Variants in SLC10A6 observed in about 807,000 individuals in gnomAD.
SLC10A6 encodes sodium-dependent organic anion transporter.
A neutral mutation model predicts 30.0 loss-of-function variants in SLC10A6; 27 were observed. That is an observed-to-expected ratio of 0.90 (90% CI 0.66 to 1.24). SLC10A6 has a LOEUF of 1.24. Ranked by LOEUF, SLC10A6 falls within the 50% of genes most tolerant of loss-of-function variation. The pLI, the probability that SLC10A6 is intolerant of heterozygous loss-of-function variation, is 0.00. For missense variants in SLC10A6, 439 were observed against 457.0 expected, an observed-to-expected ratio of 0.96 and a Z score of 0.36; for synonymous variants, 166 against 173.8, an observed-to-expected ratio of 0.95 and a Z score of 0.36.
At chr4:86,834,079 G>A (rs1746136556) in intron 1 of SLC10A6, among the ~76,000 whole-genome samples, 1 of 152,162 alleles carries the variant, frequency 6.6e-6, no homozygotes, top group Non-Finnish European at 1.5e-5. Flanking sequence ...GATTCCCAAC[G>A]TTGGAGGCGG....
chr4:86,827,294 C>T (rs1478094908), intron 4 of SLC10A6, among the ~76,000 whole-genome samples: 1 of 152,174 alleles, frequency 6.6e-6, no homozygotes, highest in Non-Finnish European at 1.5e-5. Flanking sequence ...TTTTCTAGCT[C>T]TATGAACTTG....
Position 86,849,044 on chromosome 4 carries a change from C to T in SLC10A6, c.72G>A (p.Leu24=). ...NSSEEELPVG[L]EVHGNLELVF... ...CGAGCTCCAGGTTTCCATGCACCTC[C>T]AGTCCCACTGGCAGCTCCTCCTCTG... is the stretch of plus-strand genomic sequence containing the variant. The change falls in exon 1 of 6, where the codon CTG becomes CTA. Residue 24 remains leucine (L), a synonymous_variant. Coordinates refer to ENST00000273905, the MANE Select transcript of SLC10A6 (RefSeq NM_197965.3). 6.2e-7 allele frequency: 1 copy of T among 1,614,196 alleles called. No individual in the cohort carries two copies. The highest frequency in any genetic ancestry group is 8.5e-7 in the Non-Finnish European group (1 of 1,180,044).
At chr4:86,836,053 G>A (rs922732821) in intron 1 of SLC10A6, among the ~76,000 whole-genome samples, 12 of 152,158 alleles carry the variant, frequency 7.9e-5, no homozygotes, top group Admixed American at 4.6e-4. Context: ...TGAGCCGGAC[G>A]AACCAAACCA....
chr4:86,841,471 A>C (rs796984738), intron 1 of SLC10A6, among the ~76,000 whole-genome samples: 11 of 152,336 alleles, frequency 7.2e-5, no homozygotes, highest in African/African-American at 2.4e-4. Flanking sequence ...GTGGCTAAGT[A>C]AGTCTCTTGA....
Position 86,825,342 on chromosome 4 carries a change from T to C in SLC10A6, c.919+78A>G. ...ATCACAGGGGCAGCACATGCAAGTT[T>C]GGATTGAAAAAAAAGTTGGTAAGTT... On this transcript the variant is annotated intron_variant, in intron 5 of 5. Transcript: ENST00000273905. 2.8e-6 allele frequency: 4 copies of C among 1,414,466 alleles called. No individual in the cohort carries two copies. The Admixed American group carries it at 7.4e-5, about 26-fold the overall frequency. The allele number at this position is 1,414,466 out of a possible 1,614,324, so 87.6% of individuals were successfully genotyped here. A position where few individuals can be genotyped will look rare whatever the true frequency, so the allele number is the denominator to read the frequency against.
chr4:86,825,287 C>T (rs1273893857), intron 5 of SLC10A6, 133 bp downstream of exon 5: 2 of 751,346 alleles, frequency 2.7e-6, no homozygotes, highest in Non-Finnish European at 4.2e-6. Context: ...GCCTTATCGT[C>T]CCCAGAAATG....
chr4:86,836,049 G>A (rs1560459985), intron 1 of SLC10A6, among the ~76,000 whole-genome samples: 3 of 152,118 alleles, frequency 2.0e-5, no homozygotes, highest in Non-Finnish European at 2.9e-5. Flanking sequence ...TTTGTGAGCC[G>A]GACGAACCAA....
intron 1 of SLC10A6, among the ~76,000 whole-genome samples, chr4:86,837,281 A>AAGAAAGAAAGAAAGAAAGAAAG (rs34533020): frequency 1.1e-5 from 1 of 90,378 alleles, no homozygotes; most frequent in African/African-American, 5.1e-5. Context: ...GAAAGAAAGA[A>AAGAAAGAAAGAAAGAAAGAAAG]AGAAAAAGAA....
Position 86,849,166 on chromosome 4 carries a change from T to G in SLC10A6, c.-51A>C. ...ACAAATGAACATCGGCAACAATGGC[T>G]GGGCAGGTCTATCCTGCCACATTTT... On this transcript the variant is annotated 5_prime_UTR_variant, in exon 1 of 6. Transcript: ENST00000273905. 6.4e-7 allele frequency: 1 copy of G among 1,560,614 alleles called. No individual in the cohort carries two copies. The highest frequency in any genetic ancestry group is 8.7e-7 in the Non-Finnish European group (1 of 1,154,254).
At chr4:86,842,560 C>T (rs959990408) in intron 1 of SLC10A6, among the ~76,000 whole-genome samples, 1 of 151,988 alleles carries the variant, frequency 6.6e-6, no homozygotes, top group Non-Finnish European at 1.5e-5. Context: ...GGTATGATGG[C>T]GCATGCCTAT....
chr4:86,848,716 T>C (rs1228873141), intron 1 of SLC10A6, 23 bp downstream of exon 1: 16 of 1,547,348 alleles, frequency 1.0e-5, no homozygotes, highest in Non-Finnish European at 1.4e-5. Flanking sequence ...GACAGACTGC[T>C]GAGCTTCCCT....
intron 4 of SLC10A6, among the ~76,000 whole-genome samples, chr4:86,827,718 C>T (rs561393883): frequency 4.2e-4 from 64 of 152,242 alleles, no homozygotes; most frequent in Non-Finnish European, 7.5e-4. Context: ...CTTTCTTCTA[C>T]GAAGTGGGAA....
intron 1 of SLC10A6, chr4:86,837,694 AG>A: frequency 1.1e-6 from 1 of 871,598 alleles, no homozygotes; most frequent in Non-Finnish European, 1.4e-6. Flanking sequence ...AGAATGCATT[AG>A]TAAAATTAGG....
In SLC10A6 at chr4:86,827,055, C is replaced by T. The variant is rs111986696; in HGVS notation, c.761+938G>A. The stretch of plus-strand genomic sequence containing the variant: ...TTCTTTGAGACTTTTGTCAAAAACT[C>T]GATATGATTAAGCTACAAAGCTGGA... On this transcript the variant is annotated intron_variant, in intron 4 of 5. Transcript: ENST00000273905. Among the ~76,000 whole-genome samples the T allele has an allele frequency of 3.3e-3, 500 of 152,202 alleles. 1 individual carries two copies. Among genetic ancestry groups the T allele is most frequent in the African/African-American group, 0.012 (478 of 41,520 alleles).
At chr4:86,843,977 G>T (rs570027173) in intron 1 of SLC10A6, among the ~76,000 whole-genome samples, 37 of 152,190 alleles carry the variant, frequency 2.4e-4, no homozygotes, top group Admixed American at 1.8e-3. Flanking sequence ...AGGAGATCAA[G>T]ACCATCCTGG....
rs111986696 is a variant in SLC10A6, at chr4:86,827,055, C to G, written c.761+938G>C. Reference sequence around the variant, plus strand: ...TTCTTTGAGACTTTTGTCAAAAACTCGATATGATTAAGCTACAAAGCTGGA... The same window carrying G: ...TTCTTTGAGACTTTTGTCAAAAACTGGATATGATTAAGCTACAAAGCTGGA... On this transcript the variant is annotated intron_variant, in intron 4 of 5. Transcript: ENST00000273905. Among the ~76,000 whole-genome samples the G allele has an allele frequency of 2.6e-5, 4 of 152,084 alleles. No individual in the cohort carries two copies. The South Asian group carries it at 6.2e-4, about 24-fold the overall frequency.
intron 1 of SLC10A6, among the ~76,000 whole-genome samples, chr4:86,835,410 T>C (rs1746163085): frequency 6.6e-6 from 1 of 152,202 alleles, no homozygotes; most frequent in Non-Finnish European, 1.5e-5. Flanking sequence ...CTCATGCCTG[T>C]AATCCCAGCA....
chr4:86,837,290 A>AAAAAGAAAGGAAGGAAGG (rs1746211313), intron 1 of SLC10A6, among the ~76,000 whole-genome samples: 5 of 62,736 alleles, frequency 8.0e-5, no homozygotes, highest in Non-Finnish European at 1.7e-4. Flanking sequence ...AAAGAAAAAG[A>AAAAAGAAAGGAAGGAAGG]AAGGAAGGAA....
intron 4 of SLC10A6, among the ~76,000 whole-genome samples, chr4:86,826,627 A>C (rs1045859407): frequency 4.6e-5 from 7 of 152,202 alleles, no homozygotes; most frequent in Non-Finnish European, 1.0e-4. Flanking sequence ...TAAAATGATT[A>C]TCTTTGGTGA....
Sources: allele counts gnomAD v4.1 joint callset (sites outside exome capture counted in the v4.1 genomes callset), GRCh38; gene constraint gnomAD v4.1.1; transcripts MANE v1.5; gene names NCBI Gene and HGNC (gene_info 2026-07-23, HGNC 2026-07-21).